Variants in TOPAZ1 observed in about 807,000 individuals in gnomAD.
The protein encoded by TOPAZ1 is testis and ovary specific TOPAZ 1, also known as protein TOPAZ1.
TOPAZ1 carries 66 observed loss-of-function variants against 172.2 expected under a neutral mutation model. The ratio of observed to expected loss-of-function variants is 0.38; its 90% CI spans 0.31 to 0.47. The LOEUF (loss-of-function observed/expected upper bound fraction) is 0.47. Among genes scored for constraint, TOPAZ1 ranks in the 20% least tolerant of loss-of-function variants. The probability of loss-of-function intolerance (pLI) is 0.99; values close to 1 mark genes in which losing one functional copy is unlikely to be tolerated. For synonymous variants in TOPAZ1, 681 were observed against 683.9 expected (o/e 1.00, Z 0.07); for missense variants, 1,822 against 1,972.4 (o/e 0.92, Z 1.44).
At chr3:44,242,532 A>G in intron 1 of TOPAZ1, 133 bp downstream of exon 1, 1 of 1,017,560 alleles carries the variant, frequency 9.8e-7, no homozygotes, top group Non-Finnish European at 1.4e-6. Flanking sequence ...GAGATGGGAA[A>G]AATGGATTTC....
chr3:44,301,091 A>G (rs1341226014), intron 12 of TOPAZ1, among the ~76,000 whole-genome samples: 6 of 152,200 alleles, frequency 3.9e-5, no homozygotes, highest in African/African-American at 1.4e-4. Flanking sequence ...AAACTAAGAA[A>G]TGGAGAACTG....
At chr3:44,273,148 T>G (rs1227311244) in intron 8 of TOPAZ1, among the ~76,000 whole-genome samples, 1 of 152,228 alleles carries the variant, frequency 6.6e-6, no homozygotes, top group African/African-American at 2.4e-5. Flanking sequence ...TTCACACTGT[T>G]GAAACAGAGC....
chr3:44,242,352 T>C lies in TOPAZ1; in HGVS notation c.299T>C (p.Leu100Pro), dbSNP rs184664960. 481 of 1,551,936 alleles carry C rather than the reference T, an allele frequency of 3.1e-4. 2 individuals carry two copies. The African/African-American group carries it at 5.8e-3, about 19-fold the overall frequency. ...SPSDSSDPRG[L>P]EAAKEAELPL... ...TCAGACTCGTCAGACCCGCGAGGCC[T>C]AGAAGCAGCAAAGGAGGCTGAACTC... The change falls in exon 1 of 20, where the codon CTA becomes CCA. Residue 100 changes from leucine to proline, a missense_variant. Around this residue, in one of 2 missense-constraint regions of TOPAZ1, gnomAD observed 1,489 missense variants for 1,490.8 expected, o/e 1.00. Coordinates refer to ENST00000309765, the MANE Select transcript of TOPAZ1 (RefSeq NM_001145030.2).
At chr3:44,303,003 C>G (rs1348462609) in intron 12 of TOPAZ1, among the ~76,000 whole-genome samples, 1 of 152,000 alleles carries the variant, frequency 6.6e-6, no homozygotes, top group South Asian at 2.1e-4. Flanking sequence ...CCACCACACC[C>G]AGCTAATTTT....
In TOPAZ1 at chr3:44,301,315, G is replaced by T. The variant is rs376588849; in HGVS notation, c.3798-2700G>T. 3.9e-5 allele frequency among the ~76,000 whole-genome samples: 6 copies of T among 152,304 alleles called. No individual in the cohort carries two copies. In the East Asian group the frequency reaches 1.2e-3, roughly 29 times the overall value. ...ATATAAGATGTCACTATTGGAAAAA[G>T]CTGGGTGAAGAGTGCACAGTGTACT... On this transcript the variant is annotated intron_variant, in intron 12 of 19. Transcript: ENST00000309765.
intron 9 of TOPAZ1, among the ~76,000 whole-genome samples, chr3:44,284,677 AAT>A (rs753452003): frequency 3.0e-4 from 45 of 152,154 alleles, no homozygotes; most frequent in Non-Finnish European, 6.2e-4. Context: ...TTTATATTTG[AAT>A]TTCCACATAA....
At chr3:44,298,925 T>TGTTTGTTTGTTTG (rs1378732583) in intron 12 of TOPAZ1, among the ~76,000 whole-genome samples, 5 of 49,862 alleles carry the variant, frequency 1.0e-4, no homozygotes, top group African/African-American at 3.5e-4. Context: ...TTTTTTTTTT[T>TGTTTGTTTGTTTG]TTTTTTTTTC....
At chr3:44,254,349 C>T (rs1055442121) in intron 2 of TOPAZ1, among the ~76,000 whole-genome samples, 3 of 152,128 alleles carry the variant, frequency 2.0e-5, no homozygotes, top group African/African-American at 7.2e-5. Context: ...AGAAGTTGGC[C>T]AGGCACAGTG....
intron 4 of TOPAZ1, among the ~76,000 whole-genome samples, chr3:44,260,619 A>T (rs1004300465): frequency 6.6e-6 from 1 of 151,992 alleles, no homozygotes; most frequent in Non-Finnish European, 1.5e-5. Flanking sequence ...TGTACTCTTT[A>T]TTCTCTTAAC....
At position 44,290,974 on chromosome 3, in the gene TOPAZ1, T is replaced by C. The variant is rs1199153659; in HGVS notation, c.3797+88T>C. The C allele has an allele frequency of 1.4e-5, 11 of 782,410 alleles. No individual in the cohort carries two copies. The Admixed American group carries it at 2.7e-4, about 19-fold the overall frequency. 48.5% of individuals were successfully genotyped at this position (782,410 alleles called of 1,614,324 possible). On this transcript the variant is annotated intron_variant, in intron 12 of 19. Transcript: ENST00000309765. The stretch of plus-strand genomic sequence containing the variant: ...TGAAGGCAAAGCTCTAATAACTGTT[T>C]GTATGCCCAAACATTTAGATAGTGG...
chr3:44,332,120 A>G (rs1296320625), downstream of TOPAZ1: 5 of 720,550 alleles, frequency 6.9e-6, no homozygotes, highest in Middle Eastern at 4.0e-4. Context: ...GACTTTATTG[A>G]CTTACAGCAA....
intron 6 of TOPAZ1, among the ~76,000 whole-genome samples, chr3:44,267,563 G>A (rs1699846110): frequency 6.6e-6 from 1 of 152,190 alleles, no homozygotes; most frequent in African/African-American, 2.4e-5. Flanking sequence ...CCAAAGTGCT[G>A]AAATTACAGG....
At position 44,332,021 on chromosome 3, in the gene TOPAZ1, T is replaced by G; in HGVS notation, c.*10T>G. The G allele has an allele frequency of 6.7e-7, 1 of 1,484,874 alleles. No individual in the cohort carries two copies. The highest frequency in any genetic ancestry group is 9.0e-7 in the Non-Finnish European group (1 of 1,112,968). 92.0% of individuals were successfully genotyped at this position (1,484,874 alleles called of 1,614,324 possible). A position where few individuals can be genotyped will look rare whatever the true frequency, so the allele number is the denominator to read the frequency against. ...TTTCAGTAACCATTAGCTAATAAAGTCTGCTTTTTTTTTTTTTTTAGTTCA... is the reference window on the plus strand; with the variant it reads ...TTTCAGTAACCATTAGCTAATAAAGGCTGCTTTTTTTTTTTTTTTAGTTCA... On this transcript the variant is annotated 3_prime_UTR_variant, in exon 20 of 20. Coordinates refer to ENST00000309765, the MANE Select transcript of TOPAZ1 (RefSeq NM_001145030.2).
chr3:44,251,116 C>G (rs1375169684), intron 2 of TOPAZ1, among the ~76,000 whole-genome samples: 1 of 145,856 alleles, frequency 6.9e-6, no homozygotes, highest in Non-Finnish European at 1.5e-5. Flanking sequence ...GAATTTTTTT[C>G]TCTCTTTTTT....
intron 9 of TOPAZ1, among the ~76,000 whole-genome samples, chr3:44,285,164 T>C (rs1700064497): frequency 6.6e-6 from 1 of 152,146 alleles, no homozygotes; most frequent in African/African-American, 2.4e-5. Flanking sequence ...TGACAACCCT[T>C]TTTAAAAAGC....
At chr3:44,276,981 C>T (rs1201334302) in intron 8 of TOPAZ1, among the ~76,000 whole-genome samples, 4 of 151,788 alleles carry the variant, frequency 2.6e-5, no homozygotes, top group South Asian at 2.1e-4. Flanking sequence ...TTAGTAGAGA[C>T]GGGATTTCAC....
Position 44,245,279 on chromosome 3 carries a change from T to A in TOPAZ1, c.2765+8T>A. 2 of 1,515,410 alleles carry A rather than the reference T, an allele frequency of 1.3e-6. No homozygotes were observed. Among genetic ancestry groups the A allele is most frequent in the Non-Finnish European group, 1.8e-6 (2 of 1,132,758 alleles). 93.9% of individuals were successfully genotyped at this position (1,515,410 alleles called of 1,614,324 possible). ...ACCAAGTGATGACTTAAGGTATGCATGTTCAAGTATTCCTTTTAGTGCAGA... is the reference window on the plus strand; with the variant it reads ...ACCAAGTGATGACTTAAGGTATGCAAGTTCAAGTATTCCTTTTAGTGCAGA... On this transcript the variant is annotated splice_region_variant and intron_variant, in intron 2 of 19. Coordinates refer to ENST00000309765, the MANE Select transcript of TOPAZ1 (RefSeq NM_001145030.2).
chr3:44,306,238 G>A, intron 14 of TOPAZ1, 88 bp from the exon 15 acceptor site: 1 of 799,864 alleles, frequency 1.3e-6, no homozygotes, highest in Non-Finnish European at 2.0e-6. Flanking sequence ...GGTCTTTATG[G>A]TAGTATCAAT....
intron 12 of TOPAZ1, among the ~76,000 whole-genome samples, chr3:44,303,434 T>C (rs970595005): frequency 1.3e-5 from 2 of 151,812 alleles, no homozygotes; most frequent in Admixed American, 1.3e-4. Flanking sequence ...TCACAGACTT[T>C]TAAGATCCTT....
Sources: allele counts gnomAD v4.1 joint callset (sites outside exome capture counted in the v4.1 genomes callset), GRCh38; gene constraint gnomAD v4.1.1; regional missense constraint gnomAD v4.1.1; transcripts MANE v1.5; gene names NCBI Gene and HGNC (gene_info 2026-07-23, HGNC 2026-07-21).